Variants in SEMA3A observed in about 807,000 individuals in gnomAD.
SEMA3A encodes the protein semaphorin 3A.
A neutral mutation model predicts 97.9 loss-of-function variants in SEMA3A; 29 were observed. The ratio of observed to expected loss-of-function variants is 0.30; its 90% confidence interval spans 0.22 to 0.40. The LOEUF is 0.40. SEMA3A is among the 10% of genes least tolerant of loss of function. SEMA3A has a pLI of 1.00. For missense variants in SEMA3A, 763 were observed against 951.3 expected, an observed-to-expected ratio of 0.80 and a Z score of 2.60; for synonymous variants, 321 against 323.7, an observed-to-expected ratio of 0.99 and a Z score of 0.09.
chr7:84,399,716 G>A lies in SEMA3A; in HGVS notation c.-245-27816C>T, dbSNP rs6952952. Among the ~76,000 whole-genome samples the A allele has an allele frequency of 3.5e-3, 537 of 152,294 alleles. 5 individuals are homozygous for A. Among genetic ancestry groups the A allele is most frequent in the African/African-American group, 0.013 (521 of 41,572 alleles). ...TGGTAGGATGGACCAAGTTTAGCAG[G>A]ACTCACCACTAGGTGCTGGTTAAAA... is the stretch of plus-strand genomic sequence containing the variant. On this transcript the variant is annotated intron_variant, in intron 1 of 3. Transcript: ENST00000424555.
intron 1 of SEMA3A, among the ~76,000 whole-genome samples, chr7:84,155,786 T>C (rs563890622): frequency 1.3e-5 from 2 of 152,258 alleles, no homozygotes; most frequent in East Asian, 3.9e-4. Context: ...TGTATTTATA[T>C]CAAAGTAATA....
At chr7:84,406,723 C>T (rs573007655) in intron 1 of SEMA3A, among the ~76,000 whole-genome samples, 3,920 of 152,212 alleles carry the variant, frequency 0.026, 151 homozygotes, top group African/African-American at 0.088. Context: ...GGGCTTCATC[C>T]CTGGGATGCA....
chr7:84,039,132 C>T (rs1792042825), intron 6 of SEMA3A, among the ~76,000 whole-genome samples: 1 of 152,088 alleles, frequency 6.6e-6, no homozygotes, highest in Admixed American at 6.6e-5. Flanking sequence ...CAGCAGCAAT[C>T]ACAGTTAACA....
intron 2 of SEMA3A, among the ~76,000 whole-genome samples, chr7:84,349,214 C>T (rs948260680): frequency 5.3e-5 from 8 of 152,090 alleles, no homozygotes; most frequent in Non-Finnish European, 1.2e-4. Context: ...TTCTTCATTT[C>T]GTCCCTTGGT....
chr7:84,442,819 T>C (rs1805305142), intron 1 of SEMA3A, among the ~76,000 whole-genome samples: 1 of 152,098 alleles, frequency 6.6e-6, no homozygotes, highest in Non-Finnish European at 1.5e-5. Context: ...TCAGCAGTAG[T>C]TGGATTTAAT....
intron 2 of SEMA3A, among the ~76,000 whole-genome samples, chr7:84,322,931 A>G (rs886329362): frequency 3.9e-5 from 6 of 152,090 alleles, no homozygotes; most frequent in African/African-American, 1.5e-4. Context: ...GTGTGTATTC[A>G]GTAGAGCCAC....
intron 2 of SEMA3A, among the ~76,000 whole-genome samples, chr7:84,365,887 T>A: frequency 6.6e-6 from 1 of 151,540 alleles, no homozygotes; most frequent in Middle Eastern, 3.4e-3. Context: ...AACTAATATT[T>A]AAATATTTTA....
At chr7:84,088,991 T>C (rs1457902789) in intron 4 of SEMA3A, among the ~76,000 whole-genome samples, 1 of 151,782 alleles carries the variant, frequency 6.6e-6, no homozygotes, top group African/African-American at 2.4e-5. Flanking sequence ...TCTTAACTTT[T>C]CAGAGCTTAC....
chr7:84,183,802 A>C (rs2116244682), intron 1 of SEMA3A, among the ~76,000 whole-genome samples: 1 of 152,304 alleles, frequency 6.6e-6, no homozygotes, highest in South Asian at 2.1e-4. Flanking sequence ...TATAAAGAAC[A>C]CTAAATGGTA....
intron 2 of SEMA3A, among the ~76,000 whole-genome samples, chr7:84,332,895 T>C (rs1801941525): frequency 6.6e-6 from 1 of 152,100 alleles, no homozygotes. Context: ...GGTAATGACT[T>C]AACATTTCAG....
intron 3 of SEMA3A, among the ~76,000 whole-genome samples, chr7:84,230,368 ACT>A (rs900379306): frequency 6.6e-6 from 1 of 151,976 alleles, no homozygotes; most frequent in Non-Finnish European, 1.5e-5. Flanking sequence ...GTTGCCTATA[ACT>A]CTCTTTCAAA....
At chr7:84,355,735 C>T (rs1273284458) in intron 2 of SEMA3A, among the ~76,000 whole-genome samples, 1 of 151,632 alleles carries the variant, frequency 6.6e-6, no homozygotes, top group Non-Finnish European at 1.5e-5. Flanking sequence ...ATTATGTTTG[C>T]TCAATTCAGA....
Position 83,956,778 on chromosome 7 carries a change from TCTC to T in SEMA3A, c.*4590_*4592del, listed in dbSNP as rs915970291. Reference sequence around the variant, plus strand: ...CAGAAAAAGGACTTTTTTTCACACCTCTCCTCCTTTCTCCTTATTTCTTCTACT... The same window carrying T: ...CAGAAAAAGGACTTTTTTTCACACCTCTCCTTTCTCCTTATTTCTTCTACT... On this transcript the variant is annotated 3_prime_UTR_variant, in exon 17 of 17. Coordinates refer to ENST00000265362, the MANE Select transcript of SEMA3A (RefSeq NM_006080.3). 7 of 152,122 alleles carry T rather than the reference TCTC, an allele frequency of 4.6e-5. No individual in the cohort carries two copies. The highest frequency in any genetic ancestry group is 1.7e-4 in the African/African-American group (7 of 41,438). The allele number at this position is 152,122 out of a possible 1,614,324, so 9.4% of individuals were successfully genotyped here. A position where few individuals can be genotyped will look rare whatever the true frequency, so the allele number is the denominator to read the frequency against.
chr7:84,002,970 T>A (rs867418558), intron 11 of SEMA3A, among the ~76,000 whole-genome samples: 1 of 152,146 alleles, frequency 6.6e-6, no homozygotes, highest in Non-Finnish European at 1.5e-5. Flanking sequence ...CAGGGGCTTA[T>A]TAAATTCAAA....
rs1562774175 is a variant in SEMA3A, at chr7:84,091,161, AAG to A, written c.453+19307_453+19308del. Among the ~76,000 whole-genome samples, 17 of 38,546 alleles carry A rather than the reference AAG, an allele frequency of 4.4e-4. No homozygotes were observed. The East Asian group carries it at 5.0e-3, about 11-fold the overall frequency. The allele number at this position is 38,546 out of a possible 152,430, so 25.3% of individuals were successfully genotyped here. Reference sequence around the variant, plus strand: ...GAAGGAAGGAAGGAAGGAAGGAAGGAAGGAAGGAAAGAAAGAAAGAAAGAAAG... The same window carrying A: ...GAAGGAAGGAAGGAAGGAAGGAAGGAGAAGGAAAGAAAGAAAGAAAGAAAG... On this transcript the variant is annotated intron_variant, in intron 4 of 16. Transcript: ENST00000265362.
intron 4 of SEMA3A, among the ~76,000 whole-genome samples, chr7:84,108,830 G>C (rs1320063052): frequency 1.3e-5 from 2 of 151,504 alleles, no homozygotes; most frequent in Non-Finnish European, 2.9e-5. Flanking sequence ...GCTTGTACCT[G>C]GGAGGCAGAG....
intron 4 of SEMA3A, among the ~76,000 whole-genome samples, chr7:84,086,973 T>G (rs1181721114): frequency 6.6e-6 from 1 of 152,126 alleles, no homozygotes; most frequent in Non-Finnish European, 1.5e-5. Context: ...GTCTTCATAA[T>G]TTGGCTTAAT....
At chr7:84,204,670 G>C (rs1358185398) in intron 3 of SEMA3A, among the ~76,000 whole-genome samples, 1 of 152,146 alleles carries the variant, frequency 6.6e-6, no homozygotes, top group African/African-American at 2.4e-5. Flanking sequence ...TGCCCTTTAA[G>C]TATTACATGA....
intron 4 of SEMA3A, among the ~76,000 whole-genome samples, chr7:84,094,648 T>G (rs1461148798): frequency 2.0e-5 from 3 of 152,106 alleles, no homozygotes; most frequent in Non-Finnish European, 2.9e-5. Context: ...GAATCTATGT[T>G]TCTAACATCA....
Sources: gnomAD v4.1 joint callset for allele counts (sites outside exome capture counted in the v4.1 genomes callset) on GRCh38, gnomAD v4.1.1 for gene constraint, MANE v1.5 for transcripts, NCBI Gene and HGNC (gene_info 2026-07-23, HGNC 2026-07-21) for gene names.